The following CEP112 variants were observed in gnomAD, a reference collection of about 807,000 sequenced individuals.
CEP112 encodes centrosomal protein of 112 kDa.
CEP112 carries 127 observed loss-of-function variants against 153.0 expected under a neutral mutation model. That is an observed-to-expected ratio of 0.83 (90% CI 0.72 to 0.96). CEP112 has a LOEUF of 0.96. Ranked by LOEUF, CEP112 falls within the 40% of genes least tolerant of loss-of-function variation. The probability of loss-of-function intolerance (pLI) is 0.00; values close to 1 mark genes in which losing one functional copy is unlikely to be tolerated. For synonymous variants in CEP112, 358 were observed against 374.4 expected (o/e 0.96, Z 0.51); for missense variants, 1,089 against 1,101.2 (o/e 0.99, Z 0.16).
chr17:66,053,111 GA>G (rs36123860), intron 12 of CEP112, among the ~76,000 whole-genome samples: 140,957 of 144,422 alleles, frequency 0.98, 68,799 homozygotes, highest in East Asian at 1. Context: ...TGTCTCAAAG[GA>G]AAAAAAAAAA....
At chr17:65,984,858 G>A (rs1198474539) in intron 17 of CEP112, among the ~76,000 whole-genome samples, 1 of 152,112 alleles carries the variant, frequency 6.6e-6, no homozygotes, top group African/African-American at 2.4e-5. Flanking sequence ...AGTAAGACAA[G>A]AGTAGGATGA....
chr17:65,851,943 C>A lies in CEP112; in HGVS notation c.2255G>T (p.Gly752Val). 6.2e-7 allele frequency: 1 copy of A among 1,614,132 alleles called. No homozygotes were observed. The highest frequency in any genetic ancestry group is 8.5e-7 in the Non-Finnish European group (1 of 1,180,012). Residue 752 changes from glycine to valine, a missense_variant, in exon 21 of 27, where the codon GGT becomes GTT. Gly to Val is a moderately radical substitution (Grantham distance 109). Coordinates refer to ENST00000535342, the MANE Select transcript of CEP112 (RefSeq NM_001199165.4). ...SQRKQQLVEL[G>V]LLREEEKQRA... ...TTGCTTTTCCTCTTCACGAAGAAGA[C>A]CAAGCTCTACCAGCTGCTGTTTCCG...
At chr17:65,709,405 G>A (rs764158521) in intron 23 of CEP112, among the ~76,000 whole-genome samples, 4 of 152,124 alleles carry the variant, frequency 2.6e-5, no homozygotes, top group East Asian at 3.9e-4. Context: ...CAATCACGGC[G>A]GAAGAGCAAG....
intron 18 of CEP112, among the ~76,000 whole-genome samples, chr17:65,937,218 A>G (rs1169682838): frequency 2.0e-4 from 26 of 131,554 alleles, no homozygotes; most frequent in African/African-American, 7.1e-4. Flanking sequence ...CCGAGATTGC[A>G]GCCTCTGCCC....
chr17:65,822,574 T>A (rs533646237), intron 21 of CEP112, among the ~76,000 whole-genome samples: 42 of 152,314 alleles, frequency 2.8e-4, no homozygotes, highest in Middle Eastern at 3.4e-3. Context: ...CACGGTTGGT[T>A]GAACCCATGA....
intron 21 of CEP112, among the ~76,000 whole-genome samples, chr17:65,849,641 G>C (rs575440928): frequency 3.3e-5 from 5 of 152,312 alleles, no homozygotes; most frequent in African/African-American, 7.2e-5. Flanking sequence ...TTATATGTCT[G>C]ACTTTGGCAT....
intron 12 of CEP112, among the ~76,000 whole-genome samples, chr17:66,050,310 TG>T (rs2066385540): frequency 6.6e-6 from 1 of 152,156 alleles, no homozygotes; most frequent in African/African-American, 2.4e-5. Flanking sequence ...GGTAGGGGAA[TG>T]GGGAGAGGAT....
intron 6 of CEP112, among the ~76,000 whole-genome samples, chr17:66,109,100 T>C (rs1051009084): frequency 6.6e-6 from 1 of 152,100 alleles, no homozygotes; most frequent in African/African-American, 2.4e-5. Context: ...AGTAGGATGA[T>C]GGTTCACAGA....
chr17:65,894,771 G>T lies in CEP112; in HGVS notation c.2163+7381C>A, dbSNP rs181121891. 5.9e-4 allele frequency among the ~76,000 whole-genome samples: 89 copies of T among 152,088 alleles called. 3 individuals are homozygous for T. In the East Asian group the frequency reaches 0.015, roughly 26 times the overall value. On this transcript the variant is annotated intron_variant, in intron 20 of 26. Transcript: ENST00000535342. ...TTTCAGCAATAATGTGAAACCAAAA[G>T]TGAACCCATTTCAAAATGTACTCAC...
intron 2 of CEP112, among the ~76,000 whole-genome samples, chr17:66,179,103 T>C (rs540951449): frequency 1.5e-4 from 23 of 152,300 alleles, no homozygotes; most frequent in Middle Eastern, 6.8e-3. Context: ...TGCTCTGTAG[T>C]ATAATTTGAA....
chr17:65,636,617 G>GTT (rs113104335), intron 26 of CEP112: 6,128 of 145,018 alleles, frequency 0.042, 432 homozygotes, highest in African/African-American at 0.15. Flanking sequence ...TTTTTCTTTT[G>GTT]TTTTTTTTTT....
In CEP112 at chr17:66,135,386, T is replaced by C. The variant is rs140100993; in HGVS notation, c.471-2623A>G. ...GGCTGAAATTCAGTGATGGCACTAG[T>C]GGTCTGAGTGAACAGTGAAACAGAA... On this transcript the variant is annotated intron_variant, in intron 4 of 26. Coordinates refer to ENST00000535342, the MANE Select transcript of CEP112 (RefSeq NM_001199165.4). Among the ~76,000 whole-genome samples the C allele has an allele frequency of 3.5e-3, 533 of 152,310 alleles. 2 individuals are homozygous for C. The highest frequency in any genetic ancestry group is 0.012 in the African/African-American group (491 of 41,574).
At chr17:65,862,231 G>A (rs562651885) in intron 20 of CEP112, among the ~76,000 whole-genome samples, 4 of 152,284 alleles carry the variant, frequency 2.6e-5, no homozygotes, top group East Asian at 3.9e-4. Context: ...TTAACTCTGG[G>A]GAAGGGTGGT....
chr17:65,668,340 C>T (rs898137551), intron 24 of CEP112, among the ~76,000 whole-genome samples: 11 of 152,150 alleles, frequency 7.2e-5, no homozygotes, highest in Non-Finnish European at 1.3e-4. Flanking sequence ...ATCCCCAGGG[C>T]CCTCCAGGTA....
chr17:65,773,850 C>T (rs35548394), intron 21 of CEP112, among the ~76,000 whole-genome samples: 45,617 of 151,864 alleles, frequency 0.3, 8,588 homozygotes, highest in Middle Eastern at 0.45. Context: ...TTTGGGAGGA[C>T]GAGGCAGGTG....
intron 21 of CEP112, among the ~76,000 whole-genome samples, chr17:65,828,496 CCTAGGTTCCTAAGTGACCT>C (rs2056937667): frequency 6.6e-6 from 1 of 152,154 alleles, no homozygotes; most frequent in Non-Finnish European, 1.5e-5. Context: ...CACTAGTCAG[CCTAGGTTCCTAAGTGACCT>C]CATGAAAGAG....
intron 18 of CEP112, among the ~76,000 whole-genome samples, chr17:65,933,796 A>C (rs1311065801): frequency 6.6e-6 from 1 of 152,252 alleles, no homozygotes; most frequent in Non-Finnish European, 1.5e-5. Context: ...AGTCATACTC[A>C]GAAGACTTTA....
At chr17:66,176,381 A>G (rs1290911599) in intron 3 of CEP112, among the ~76,000 whole-genome samples, 1 of 152,252 alleles carries the variant, frequency 6.6e-6, no homozygotes, top group African/African-American at 2.4e-5. Context: ...ATTTAAGTAC[A>G]GAAAATGACT....
rs764810778 is a variant in CEP112 at position 65,743,180 on chromosome 17, T to C, written c.2495A>G (p.Lys832Arg). ...AELQTTISSLKEENSQQQLAA... is the reference protein window; with the variant it reads ...AELQTTISSLREENSQQQLAA... ...AAGCTGCTGCTGGCTGTTCTCTTCTTTCAGAGAGGAAATGGTTGTCTGAAG... is the reference window on the plus strand; with the variant it reads ...AAGCTGCTGCTGGCTGTTCTCTTCTCTCAGAGAGGAAATGGTTGTCTGAAG... The change falls in exon 23 of 27, where the codon AAA (lysine) becomes AGA (arginine). Residue 832 changes from lysine to arginine, a missense_variant. Physicochemically the swap from Lys to Arg is conservative, Grantham distance 26 (BLOSUM62 2). Coordinates refer to ENST00000535342, the MANE Select transcript of CEP112 (RefSeq NM_001199165.4). The C allele has an allele frequency of 1.2e-6, 2 of 1,612,352 alleles. No individual in the cohort carries two copies. The highest frequency in any genetic ancestry group is 1.1e-5 in the South Asian group (1 of 90,654).
Sources: gnomAD v4.1 joint callset for allele counts (sites outside exome capture counted in the v4.1 genomes callset) on GRCh38, gnomAD v4.1.1 for gene constraint, MANE v1.5 for transcripts, NCBI Gene and HGNC (gene_info 2026-07-23, HGNC 2026-07-21) for gene names.